ZNF771: variants seen among roughly 807,000 people sequenced by gnomAD.
The protein encoded by ZNF771 is mesenchymal stem cell protein DSC43.
A neutral mutation model predicts 27.6 loss-of-function variants in ZNF771; 10 were observed. The observed-to-expected ratio is 0.36, with a 90% CI of 0.22 to 0.61. ZNF771 has a LOEUF of 0.61. ZNF771 is among the 20% of genes least tolerant of loss of function. The pLI is 0.70. For missense variants in ZNF771, 438 were observed against 503.7 expected (o/e 0.87, Z 1.25); for synonymous variants, 261 against 225.2 (o/e 1.16, Z -1.43).
rs956793164 is a variant in ZNF771, at chr16:30,417,538, T to TC, written c.142-12dup. The TC allele has an allele frequency of 2.5e-6, 3 of 1,214,496 alleles. No individual in the cohort carries two copies. The highest frequency in any genetic ancestry group is 3.1e-6 in the Non-Finnish European group (3 of 977,954). The allele number at this position is 1,214,496 out of a possible 1,614,324, so 75.2% of individuals were successfully genotyped here. On this transcript the variant is annotated splice_polypyrimidine_tract_variant and intron_variant, in intron 2 of 2. Coordinates refer to ENST00000319296, the MANE Select transcript of ZNF771 (RefSeq NM_001142305.2). ...GGGCCTGCCGCTAAGGGCTGACCTATCCCCCTCTCCCCGCAGGTCCCGGGC... is the reference window on the plus strand; with the variant it reads ...GGGCCTGCCGCTAAGGGCTGACCTATCCCCCCTCTCCCCGCAGGTCCCGGGC...
chr16:30,409,337 G>A (rs565503798), intron 2 of ZNF771, among the ~76,000 whole-genome samples: 4 of 152,172 alleles, frequency 2.6e-5, no homozygotes, highest in Non-Finnish European at 5.9e-5. Flanking sequence ...GAGGGTGGGT[G>A]GTTCGGTCAT....
chr16:30,418,541 C>A lies in ZNF771; in HGVS notation c.*174C>A, dbSNP rs1348589976. ...CGGGGTCCCTGGAAACAGTGCCCAC[C>A]CCACATCACTACATTCCCTCGGCCC... On this transcript the variant is annotated 3_prime_UTR_variant, in exon 3 of 3. Coordinates refer to ENST00000319296, the MANE Select transcript of ZNF771 (RefSeq NM_001142305.2). 6 of 566,974 alleles carry A rather than the reference C, an allele frequency of 1.1e-5. No homozygotes were observed. The highest frequency in any genetic ancestry group is 1.7e-5 in the Non-Finnish European group (6 of 344,920). 35.1% of individuals were successfully genotyped at this position (566,974 alleles called of 1,614,324 possible).
chr16:30,408,113 G>A lies in ZNF771; in HGVS notation c.60G>A (p.Val20=). 1 of 1,609,090 alleles carries A rather than the reference G, an allele frequency of 6.2e-7. No individual in the cohort carries two copies. Among genetic ancestry groups the A allele is most frequent in the Non-Finnish European group, 8.5e-7 (1 of 1,175,752 alleles). Residue 20 remains valine, a synonymous_variant, in exon 2 of 3, where the codon GTG becomes GTA. Coordinates refer to ENST00000319296, the MANE Select transcript of ZNF771 (RefSeq NM_001142305.2). ...EEEEEMQEEM[V]LLVKGEEDEG... Reference sequence around the variant, plus strand: ...AGGAAGAGATGCAGGAGGAGATGGTGCTGCTGGTGAAGGGTGAGGAGGATG... The same window carrying A: ...AGGAAGAGATGCAGGAGGAGATGGTACTGCTGGTGAAGGGTGAGGAGGATG...
intron 2 of ZNF771, among the ~76,000 whole-genome samples, chr16:30,412,778 G>A (rs1220385311): frequency 1.3e-5 from 2 of 151,560 alleles, no homozygotes; most frequent in African/African-American, 4.9e-5. Context: ...GTGACACAGT[G>A]AGACCTTTTC....
chr16:30,410,845 C>A (rs2050100069), intron 2 of ZNF771, among the ~76,000 whole-genome samples: 1 of 127,034 alleles, frequency 7.9e-6, no homozygotes, highest in Non-Finnish European at 1.6e-5. Flanking sequence ...CATAGGGAGA[C>A]CTCATCTCTA....
At chr16:30,417,436 G>A (rs900066103) in intron 2 of ZNF771, 119 bp from the exon 3 acceptor site, 67 of 595,918 alleles carry the variant, frequency 1.1e-4, no homozygotes, top group Non-Finnish European at 1.6e-4. Context: ...GCAGCACCGT[G>A]GCCTTTCCTA....
At chr16:30,414,652 AT>A (rs896057876) in intron 2 of ZNF771, 22 of 149,120 alleles carry the variant, frequency 1.5e-4, no homozygotes, top group East Asian at 3.9e-4. Flanking sequence ...CTGTTTTCTA[AT>A]TTTTTTTTTT....
chr16:30,416,573 C>T (rs1302798872), intron 2 of ZNF771, among the ~76,000 whole-genome samples: 1 of 152,216 alleles, frequency 6.6e-6, no homozygotes, highest in Non-Finnish European at 1.5e-5. Flanking sequence ...CCACCATCCA[C>T]CGTCCACTTC....
chr16:30,417,991 AC>A lies in ZNF771; in HGVS notation c.580del (p.Arg194AspfsTer77). On this transcript the variant is annotated frameshift_variant, in exon 3 of 3. Coordinates refer to ENST00000319296, the MANE Select transcript of ZNF771 (RefSeq NM_001142305.2). LOFTEE classifies it high-confidence loss of function. ...GGCGGCAGCTCGTGCCTGGCGCGCC[AC>A]CGACGCACGCACACGGGCGAGCGGC... ...AFGGSSCLARHRRTHTGERPY... is the reference protein window; with the variant it reads ...AFGGSSCLARXRRTHTGERPY... 3 of 1,477,150 alleles carry A rather than the reference AC, an allele frequency of 2.0e-6. No homozygotes were observed. Among genetic ancestry groups the A allele is most frequent in the African/African-American group, 1.5e-5 (1 of 68,194 alleles). 91.5% of individuals were successfully genotyped at this position (1,477,150 alleles called of 1,614,324 possible). A position where few individuals can be genotyped will look rare whatever the true frequency, so the allele number is the denominator to read the frequency against.
At chr16:30,413,513 CTTT>C (rs1184008619) in intron 2 of ZNF771, 4 of 274,254 alleles carry the variant, frequency 1.5e-5, no homozygotes, top group Admixed American at 8.9e-5. Context: ...AATTATGAGA[CTTT>C]TTTAAAGTTT....
At chr16:30,410,717 G>A (rs1426030431) in intron 2 of ZNF771, among the ~76,000 whole-genome samples, 1 of 151,760 alleles carries the variant, frequency 6.6e-6, no homozygotes, top group East Asian at 1.9e-4. Context: ...GGCACCATAA[G>A]AAGCCTTAAA....
intron 2 of ZNF771, among the ~76,000 whole-genome samples, chr16:30,410,935 G>A (rs907875030): frequency 6.6e-6 from 1 of 151,608 alleles, no homozygotes; most frequent in Non-Finnish European, 1.5e-5. Flanking sequence ...TACTCTGGAG[G>A]CTGAATGATC....
At chr16:30,408,250 C>G in intron 2 of ZNF771, 56 bp downstream of exon 2, 4 of 1,610,826 alleles carry the variant, frequency 2.5e-6, no homozygotes, top group Non-Finnish European at 3.4e-6. Flanking sequence ...CCAGGCCCAG[C>G]CTCCCTCAGA....
At chr16:30,409,290 T>G (rs890898758) in intron 2 of ZNF771, among the ~76,000 whole-genome samples, 1 of 152,122 alleles carries the variant, frequency 6.6e-6, no homozygotes, top group Non-Finnish European at 1.5e-5. Context: ...ATGGCCCTTA[T>G]AGAGGCTCAG....
chr16:30,418,599 C>A lies in ZNF771; in HGVS notation c.*232C>A. On this transcript the variant is annotated 3_prime_UTR_variant, in exon 3 of 3. Transcript: ENST00000319296. ...TGAATAAAGTATTATATCCTCACCC[C>A]ACCCGTGCCTGTGAGTGAGGTGGGT... 1 of 422,486 alleles carries A rather than the reference C, an allele frequency of 2.4e-6. No homozygotes were observed. The highest frequency in any genetic ancestry group is 3.6e-5 in the East Asian group (1 of 27,808). The allele number at this position is 422,486 out of a possible 1,614,324, so 26.2% of individuals were successfully genotyped here.
chr16:30,413,065 G>C (rs1053124823), intron 2 of ZNF771, among the ~76,000 whole-genome samples: 1 of 152,226 alleles, frequency 6.6e-6, no homozygotes, highest in Admixed American at 6.5e-5. Flanking sequence ...ACAAGTGGGA[G>C]TTATTTTATT....
chr16:30,416,405 C>T (rs1216665041), intron 2 of ZNF771, among the ~76,000 whole-genome samples: 1 of 152,202 alleles, frequency 6.6e-6, no homozygotes, highest in Non-Finnish European at 1.5e-5. Context: ...CCACCGTCCT[C>T]ATCTCTGTAA....
chr16:30,407,780 C>G (rs969656633), intron 1 of ZNF771, 116 bp downstream of exon 1: 4 of 251,278 alleles, frequency 1.6e-5, no homozygotes, highest in Non-Finnish European at 3.1e-5. Context: ...AGGATGGTGG[C>G]GACTTGCGGG....
intron 2 of ZNF771, among the ~76,000 whole-genome samples, chr16:30,411,306 A>G (rs1345398384): frequency 6.6e-6 from 1 of 151,820 alleles, no homozygotes; most frequent in Non-Finnish European, 1.5e-5. Context: ...GCAACAGAGC[A>G]AGATTCCATC....
Sources: allele counts gnomAD v4.1 joint callset (sites outside exome capture counted in the v4.1 genomes callset), GRCh38; gene constraint gnomAD v4.1.1; transcripts MANE v1.5; gene names NCBI Gene and HGNC (gene_info 2026-07-23, HGNC 2026-07-21).